Variants in PCSK7 observed in about 807,000 individuals in gnomAD.
PCSK7 encodes the protein lymphoma proprotein convertase.
PCSK7 carries 38 observed loss-of-function variants against 73.3 expected under a neutral mutation model. The ratio of observed to expected loss-of-function variants is 0.52; its 90% CI spans 0.40 to 0.68. PCSK7 has a LOEUF of 0.68. PCSK7 is among the 30% of genes least tolerant of loss of function. PCSK7 has a pLI of 0.00. For missense variants in PCSK7, 692 were observed against 991.5 expected, an observed-to-expected ratio of 0.70 and a Z score of 4.06; for synonymous variants, 296 against 383.8, an observed-to-expected ratio of 0.77 and a Z score of 2.68.
chr11:117,219,464 A>G, intron 10 of PCSK7, 127 bp downstream of exon 10: 1 of 925,512 alleles, frequency 1.1e-6, no homozygotes, highest in South Asian at 1.6e-5. Flanking sequence ...TACATATGCA[A>G]CTCTGAAAGG....
intron 5 of PCSK7, chr11:117,226,752 A>G (rs1316301489): frequency 1.2e-5 from 2 of 171,632 alleles, no homozygotes; most frequent in Non-Finnish European, 2.4e-5. Context: ...AGTGTGAAAG[A>G]ACCACAGAAC....
intron 12 of PCSK7, chr11:117,212,715 CTTT>C (rs58988485): frequency 3.7e-4 from 46 of 124,790 alleles, no homozygotes; most frequent in Admixed American, 6.4e-4. Flanking sequence ...CCGGCCTTTT[CTTT>C]TTTTTTTTTT....
At chr11:117,227,800 T>C (rs1424215248) in intron 4 of PCSK7, among the ~76,000 whole-genome samples, 1 of 152,016 alleles carries the variant, frequency 6.6e-6, no homozygotes, top group Admixed American at 6.6e-5. Context: ...CAAAGGACAC[T>C]GGGGCAAAAC....
At position 117,205,686 on chromosome 11, in the gene PCSK7, T is replaced by C. The variant is rs927212695; in HGVS notation, c.*311A>G. On this transcript the variant is annotated 3_prime_UTR_variant, in exon 17 of 17. Transcript: ENST00000320934. ...ATATGTGGGAAGGGGTCCCCCATGC[T>C]TGGGGGACCTAGGCAGCTGGCTTGG... 3.3e-6 allele frequency: 1 copy of C among 299,340 alleles called. No individual in the cohort carries two copies. The highest frequency in any genetic ancestry group is 1.6e-4 in the South Asian group (1 of 6,422). 18.5% of individuals were successfully genotyped at this position (299,340 alleles called of 1,614,324 possible).
Position 117,227,218 on chromosome 11 carries a change from G to A in PCSK7, c.708C>T (p.Ile236=), listed in dbSNP as rs751262398. Residue 236 remains isoleucine, a synonymous_variant, in exon 5 of 17, where the codon ATC becomes ATT. Coordinates refer to ENST00000320934, the MANE Select transcript of PCSK7 (RefSeq NM_004716.4). Reference sequence around the variant, plus strand: ...AGAAGCTGTTGTTGGGCACAGCCGCGATCTCTCCTGCACATCGCGTGCCAT... The same window carrying A: ...AGAAGCTGTTGTTGGGCACAGCCGCAATCTCTCCTGCACATCGCGTGCCAT... ...NHHGTRCAGE[I]AAVPNNSFCA... is the part of the protein sequence containing the mutation. The A allele has an allele frequency of 2.4e-5, 39 of 1,613,308 alleles. No homozygotes were observed. Among genetic ancestry groups the A allele is most frequent in the Middle Eastern group, 1.6e-4 (1 of 6,082 alleles).
At chr11:117,223,684 G>T in intron 8 of PCSK7, 1 of 352,134 alleles carries the variant, frequency 2.8e-6, no homozygotes, top group East Asian at 5.6e-5. Context: ...GTCTCGAGGA[G>T]CCTAGAGTCA....
rs761129566 is a variant in PCSK7 at position 117,216,432 on chromosome 11, A to ATTTTTTTTTTTTTTTTTTTTTTTTTT, written c.1534+2033_1534+2034insAAAAAAAAAAAAAAAAAAAAAAAAAA. 6 of 115,824 alleles carry ATTTTTTTTTTTTTTTTTTTTTTTTTT rather than the reference A, an allele frequency of 5.2e-5. 3 individuals carry two copies. The highest frequency in any genetic ancestry group is 2.4e-4 in the African/African-American group (6 of 25,266). The allele number at this position is 115,824 out of a possible 1,614,324, so 7.2% of individuals were successfully genotyped here. On this transcript the variant is annotated intron_variant, in intron 12 of 16. Transcript: ENST00000320934. ...CCTGGGACTGAGCTGCTCAACTCTC[A>ATTTTTTTTTTTTTTTTTTTTTTTTTT]ATTTTTTTTTTTTTTTTTTTTTTTG...
chr11:117,218,404 T>C lies in PCSK7; in HGVS notation c.1534+62A>G. 6 of 885,468 alleles carry C rather than the reference T, an allele frequency of 6.8e-6. No individual in the cohort carries two copies. The allele number at this position is 885,468 out of a possible 1,614,324, so 54.9% of individuals were successfully genotyped here. On this transcript the variant is annotated intron_variant, in intron 12 of 16. Transcript: ENST00000320934. This position sits in a 1 kb window ranked among gnomAD's most constrained non-coding sequence, Gnocchi z 4.0. ...TCTGGCAGGGAGGACGAGTTTAACT[T>C]CCTTGTCACCCGGCCCCAAACCTCA...
At chr11:117,224,302 C>T (rs2032324734) in intron 7 of PCSK7, 86 bp from the exon 8 acceptor site, 11 of 1,412,906 alleles carry the variant, frequency 7.8e-6, no homozygotes, top group African/African-American at 2.9e-5. Flanking sequence ...TCCACCCCTT[C>T]TAGAAACAAA....
chr11:117,224,865 T>C (rs2032351376), intron 6 of PCSK7, 110 bp from the exon 7 acceptor site: 1 of 782,778 alleles, frequency 1.3e-6, no homozygotes, highest in African/African-American at 1.7e-5. Flanking sequence ...TCTTAACTCC[T>C]CCCAAGGGTT....
intron 9 of PCSK7, 85 bp downstream of exon 9, chr11:117,223,123 G>A (rs1208216857): frequency 2.4e-6 from 2 of 840,778 alleles, no homozygotes; most frequent in African/African-American, 1.7e-5. Context: ...CGGGGAAGCA[G>A]GGAACAGTGA....
At chr11:117,210,386 G>C (rs928053119) in intron 12 of PCSK7, 1 of 142,272 alleles carries the variant, frequency 7.0e-6, no homozygotes, top group Non-Finnish European at 1.5e-5. Flanking sequence ...TTGAGACAGA[G>C]TCTCTCTCTG....
At chr11:117,220,377 G>C (rs2032144268) in intron 9 of PCSK7, 1 of 152,586 alleles carries the variant, frequency 6.6e-6, no homozygotes, top group Non-Finnish European at 1.5e-5. Flanking sequence ...CATGTAGCTG[G>C]GACTACAGGC....
Position 117,208,011 on chromosome 11 carries a change from T to TC in PCSK7, c.1744dup (p.Glu582GlyfsTer17). 4 of 604,432 alleles carry TC rather than the reference T, an allele frequency of 6.6e-6. No homozygotes were observed. Among genetic ancestry groups the TC allele is most frequent in the Non-Finnish European group, 5.9e-6 (2 of 338,648 alleles). 37.4% of individuals were successfully genotyped at this position (604,432 alleles called of 1,614,324 possible). The stretch of plus-strand genomic sequence containing the variant: ...AAGCCTGTAGGTCCCTCGGGCTCTC[T>TC]CCCCCCAGCATCGCACAGTGGAGAA... On this transcript the variant is annotated frameshift_variant, in exon 14 of 17. Coordinates refer to ENST00000320934, the MANE Select transcript of PCSK7 (RefSeq NM_004716.4). LOFTEE classifies it high-confidence loss of function.
intron 6 of PCSK7, 166 bp from the exon 7 acceptor site, chr11:117,224,921 C>T (rs928507290): frequency 2.2e-5 from 14 of 636,916 alleles, no homozygotes; most frequent in Middle Eastern, 4.3e-4. Context: ...TTCAAAGGTC[C>T]ATCCCCTCTC....
intron 12 of PCSK7, chr11:117,210,071 T>C (rs1428331800): frequency 6.6e-6 from 1 of 152,190 alleles, no homozygotes; most frequent in African/African-American, 2.4e-5. Context: ...TGTGATACAA[T>C]TGCATACAGC....
In PCSK7 at chr11:117,227,160, C is replaced by G. The variant is rs1206125745; in HGVS notation, c.766G>C (p.Ala256Pro). The change falls in exon 5 of 17, where the codon GCA becomes CCA. Residue 256 changes from alanine to proline, a missense_variant. Around this residue, in one of 6 missense-constraint regions of PCSK7, gnomAD observed 574 missense variants for 689.8 expected, o/e 0.83. Coordinates refer to ENST00000320934, the MANE Select transcript of PCSK7 (RefSeq NM_004716.4). ...AVGVAYGSRI[A>P]GIRVLDGPLT... ...CTAGGCTGGAGGCACAAGTTACCTG[C>G]GATGCGGCTCCCGTAGGCCACGCCC... is the stretch of plus-strand genomic sequence containing the variant. 6.3e-7 allele frequency: 1 copy of G among 1,597,192 alleles called. No homozygotes were observed. The highest frequency in any genetic ancestry group is 8.5e-7 in the Non-Finnish European group (1 of 1,171,590).
At chr11:117,227,078 A>G in intron 5 of PCSK7, 79 bp downstream of exon 5, 1 of 1,169,530 alleles carries the variant, frequency 8.6e-7, no homozygotes, top group East Asian at 2.4e-5. Flanking sequence ...AAGATGTTTC[A>G]GAGTAGGGAG....
intron 12 of PCSK7, chr11:117,210,809 C>A (rs1482291646): frequency 3.3e-5 from 5 of 152,142 alleles, no homozygotes; most frequent in Non-Finnish European, 7.3e-5. Context: ...GTGGTAAGCA[C>A]CTGTGGTCCC....
Sources: allele counts gnomAD v4.1 joint callset (sites outside exome capture counted in the v4.1 genomes callset), GRCh38; gene constraint gnomAD v4.1.1; regional missense constraint gnomAD v4.1.1; non-coding constraint Gnocchi (gnomAD v3.1); transcripts MANE v1.5; gene names NCBI Gene and HGNC (gene_info 2026-07-23, HGNC 2026-07-21).